GSK3B: variants seen among roughly 807,000 people sequenced by gnomAD.
GSK3B encodes the protein glycogen synthase kinase 3 beta.
In GSK3B, 15 loss-of-function variants were observed where a neutral mutation model predicts 56.4. The ratio of observed to expected loss-of-function variants is 0.27; its 90% CI spans 0.18 to 0.41. The LOEUF (loss-of-function observed/expected upper bound fraction) is 0.41. GSK3B is among the 10% of genes least tolerant of loss of function. The pLI is 1.00. For synonymous variants in GSK3B, 181 were observed against 188.9 expected, an observed-to-expected ratio of 0.96 and a Z score of 0.34; for missense variants, 300 against 513.4, an observed-to-expected ratio of 0.58 and a Z score of 4.02.
rs1214172837 is a variant in GSK3B, at chr3:120,085,733, G to A, written c.88+7614C>T. The stretch of plus-strand genomic sequence containing the variant: ...AGGGGAATTCCTTGAACCAGGCCTC[G>A]AGGTGGCGGTTGCAGTGAGCCAAGA... On this transcript the variant is annotated intron_variant, in intron 1 of 10. Coordinates refer to ENST00000264235, the MANE Select transcript of GSK3B (RefSeq NM_001146156.2). Among the ~76,000 whole-genome samples the A allele has an allele frequency of 4.6e-5, 7 of 152,154 alleles. No homozygotes were observed. The South Asian group carries it at 1.0e-3, about 23-fold the overall frequency.
At chr3:119,894,608 TTTA>T (rs2056542530) in intron 7 of GSK3B, among the ~76,000 whole-genome samples, 1 of 125,832 alleles carries the variant, frequency 7.9e-6, no homozygotes, top group Non-Finnish European at 1.9e-5. Context: ...GGGCTTTCTT[TTTA>T]TTATTGAGTT....
At chr3:119,852,386 C>T (rs1298787064) in intron 9 of GSK3B, among the ~76,000 whole-genome samples, 2 of 151,508 alleles carry the variant, frequency 1.3e-5, no homozygotes, top group Non-Finnish European at 2.9e-5. Context: ...TCTCGCTCTG[C>T]TGCCTAGGCT....
At chr3:119,901,858 C>A (rs1002185625) in intron 7 of GSK3B, among the ~76,000 whole-genome samples, 3 of 152,106 alleles carry the variant, frequency 2.0e-5, no homozygotes, top group African/African-American at 7.2e-5. Context: ...AAAAAAACTT[C>A]ATAAAGCTTA....
intron 2 of GSK3B, among the ~76,000 whole-genome samples, chr3:119,954,281 AT>A (rs1239788619): frequency 5.2e-4 from 77 of 148,882 alleles, no homozygotes; most frequent in Non-Finnish European, 7.8e-4. Flanking sequence ...ATAGAATAGA[AT>A]AGAATAGAAT....
chr3:119,913,147 G>T (rs2056751627), intron 5 of GSK3B, among the ~76,000 whole-genome samples: 1 of 151,944 alleles, frequency 6.6e-6, no homozygotes, highest in African/African-American at 2.4e-5. Context: ...CAGAAAAGAG[G>T]TACCTCCCCC....
At chr3:120,050,703 T>C (rs1177514331) in intron 1 of GSK3B, among the ~76,000 whole-genome samples, 1 of 152,024 alleles carries the variant, frequency 6.6e-6, no homozygotes, top group Admixed American at 6.6e-5. Flanking sequence ...GGAGAGAAAA[T>C]GAGTTCAGTT....
chr3:119,859,124 C>G (rs1462943208), intron 9 of GSK3B, among the ~76,000 whole-genome samples: 2 of 150,950 alleles, frequency 1.3e-5, no homozygotes, highest in East Asian at 3.9e-4. Flanking sequence ...GTAAGCATAG[C>G]CTGTTGGAAA....
At chr3:119,907,337 C>T (rs1190790396) in intron 6 of GSK3B, among the ~76,000 whole-genome samples, 1 of 152,050 alleles carries the variant, frequency 6.6e-6, no homozygotes, top group Non-Finnish European at 1.5e-5. Flanking sequence ...TAAGATTTAG[C>T]TACAAATATG....
Position 120,020,076 on chromosome 3 carries a change from G to A in GSK3B, c.89-17837C>T, listed in dbSNP as rs535886631. Among the ~76,000 whole-genome samples the A allele has an allele frequency of 2.5e-4, 38 of 152,308 alleles. 2 individuals are homozygous for A. The South Asian group carries it at 7.5e-3, about 30-fold the overall frequency. Reference sequence around the variant, plus strand: ...TCTGTATAACAAAATAGGAGGAGGAGATATGCCTAAAATATTACAATTTTA... The same window carrying A: ...TCTGTATAACAAAATAGGAGGAGGAAATATGCCTAAAATATTACAATTTTA... On this transcript the variant is annotated intron_variant, in intron 1 of 10. Transcript: ENST00000264235.
chr3:119,973,092 T>C (rs1322412846), intron 2 of GSK3B, among the ~76,000 whole-genome samples: 1 of 152,158 alleles, frequency 6.6e-6, no homozygotes, highest in African/African-American at 2.4e-5. Flanking sequence ...GTGCCAGTCA[T>C]TGGATTAAGC....
intron 2 of GSK3B, among the ~76,000 whole-genome samples, chr3:119,967,585 C>T (rs2107511852): frequency 1.3e-5 from 2 of 152,136 alleles, no homozygotes; most frequent in South Asian, 4.1e-4. Flanking sequence ...AATTCAGAGT[C>T]CAAAAATGTT....
intron 3 of GSK3B, among the ~76,000 whole-genome samples, chr3:119,930,128 C>T (rs556490940): frequency 4.0e-5 from 6 of 150,218 alleles, no homozygotes; most frequent in South Asian, 2.1e-4. Context: ...CACACACGTG[C>T]GCATGCACAC....
chr3:120,049,498 T>C (rs573385745), intron 1 of GSK3B, among the ~76,000 whole-genome samples: 2 of 152,258 alleles, frequency 1.3e-5, no homozygotes, highest in South Asian at 2.1e-4. Context: ...GACAGGTAAG[T>C]TGACGAGAAA....
intron 2 of GSK3B, among the ~76,000 whole-genome samples, chr3:119,958,893 T>C (rs1448823460): frequency 2.0e-5 from 3 of 152,034 alleles, no homozygotes; most frequent in Non-Finnish European, 4.4e-5. Flanking sequence ...ATACAGAAAC[T>C]AAAACTCGAA....
At chr3:119,947,558 A>T (rs1318658027) in intron 2 of GSK3B, among the ~76,000 whole-genome samples, 1 of 152,194 alleles carries the variant, frequency 6.6e-6, no homozygotes, top group African/African-American at 2.4e-5. Context: ...AATAAGACAA[A>T]TACAGAAATT....
In GSK3B at chr3:119,981,565, C is replaced by T. The variant is rs184768844; in HGVS notation, c.282+20481G>A. ...CTCTCCCGTGCCTGGCTCGGCGGGT[C>T]CCACGCCCACGGAGCCTTGCTCACT... On this transcript the variant is annotated intron_variant, in intron 2 of 10. Transcript: ENST00000264235. 7.9e-5 allele frequency among the ~76,000 whole-genome samples: 12 copies of T among 152,378 alleles called. No individual in the cohort carries two copies. The East Asian group carries it at 2.1e-3, about 27-fold the overall frequency.
At chr3:119,971,766 T>C (rs1168023920) in intron 2 of GSK3B, among the ~76,000 whole-genome samples, 7 of 149,506 alleles carry the variant, frequency 4.7e-5, no homozygotes, top group South Asian at 4.3e-4. Context: ...CGCCCGCCAC[T>C]ACGCCCGGCT....
chr3:120,029,007 T>C (rs1441369637), intron 1 of GSK3B: 3 of 621,870 alleles, frequency 4.8e-6, no homozygotes, highest in Admixed American at 2.4e-5. Context: ...TTTATCCTTC[T>C]TTGTATCCTA....
In GSK3B at chr3:120,074,299, C is replaced by T. The variant is rs556250561; in HGVS notation, c.88+19048G>A. Among the ~76,000 whole-genome samples, 6 of 144,130 alleles carry T rather than the reference C, an allele frequency of 4.2e-5. No individual in the cohort carries two copies. The Admixed American group carries it at 4.2e-4, about 10-fold the overall frequency. The allele number at this position is 144,130 out of a possible 152,430, so 94.6% of individuals were successfully genotyped here. The stretch of plus-strand genomic sequence containing the variant: ...TGGGTCACAGAGTGAGGCCCTGTCT[C>T]TAAAAAAAAAAAGAAAGAAAGAAAG... On this transcript the variant is annotated intron_variant, in intron 1 of 10. Transcript: ENST00000264235.
Sources: gnomAD v4.1 joint callset for allele counts (sites outside exome capture counted in the v4.1 genomes callset) on GRCh38, gnomAD v4.1.1 for gene constraint, MANE v1.5 for transcripts, NCBI Gene and HGNC (gene_info 2026-07-23, HGNC 2026-07-21) for gene names.